The following MANBA variants were observed in gnomAD, a reference collection of about 807,000 sequenced individuals.
MANBA encodes beta-mannosidase.
In MANBA, 83 loss-of-function variants were observed where a neutral mutation model predicts 111.1. The observed-to-expected ratio is 0.75, with a 90% confidence interval of 0.63 to 0.90. MANBA has a LOEUF of 0.90. Ranked by LOEUF, MANBA falls within the 40% of genes least tolerant of loss-of-function variation. MANBA has a pLI of 0.00. For missense variants in MANBA, 1,036 were observed against 1,069.0 expected, an observed-to-expected ratio of 0.97 and a Z score of 0.43; for synonymous variants, 370 against 378.7, an observed-to-expected ratio of 0.98 and a Z score of 0.27.
intron 5 of MANBA, among the ~76,000 whole-genome samples, chr4:102,710,358 C>T (rs896869082): frequency 1.3e-5 from 2 of 152,022 alleles, no homozygotes; most frequent in Admixed American, 6.6e-5. Context: ...TGTTTCTACA[C>T]ATCAATGATG....
At chr4:102,759,580 A>C (rs1053738778) in intron 1 of MANBA, among the ~76,000 whole-genome samples, 2 of 152,086 alleles carry the variant, frequency 1.3e-5, no homozygotes, top group Non-Finnish European at 2.9e-5. Context: ...AAAAAAAAAA[A>C]AACTACTAAG....
chr4:102,646,842 C>T (rs527920343), intron 13 of MANBA, among the ~76,000 whole-genome samples: 3 of 152,074 alleles, frequency 2.0e-5, no homozygotes, highest in Admixed American at 6.6e-5. Context: ...GGCAGGAGCC[C>T]ATAGGGATAT....
intron 5 of MANBA, among the ~76,000 whole-genome samples, chr4:102,711,077 A>T (rs1202994574): frequency 9.9e-5 from 15 of 152,160 alleles, no homozygotes; most frequent in African/African-American, 2.9e-4. Flanking sequence ...TATAGCTAAG[A>T]CCTCAAAAGC....
chr4:102,740,516 T>C (rs1353969056), intron 1 of MANBA, among the ~76,000 whole-genome samples: 2 of 152,048 alleles, frequency 1.3e-5, no homozygotes, highest in Non-Finnish European at 2.9e-5. Flanking sequence ...GAACAAATCC[T>C]GAGATATCAC....
chr4:102,753,901 G>T (rs150608578), intron 1 of MANBA: 6,425 of 437,138 alleles, frequency 0.015, 62 homozygotes, highest in Non-Finnish European at 0.021. Context: ...TGAGCAACAC[G>T]GTGAGACCAT....
chr4:102,656,595 T>C (rs969733680), intron 12 of MANBA, among the ~76,000 whole-genome samples: 1 of 152,142 alleles, frequency 6.6e-6, no homozygotes, highest in Non-Finnish European at 1.5e-5. Flanking sequence ...TTCAGTAGAA[T>C]TGAAAACATG....
At chr4:102,738,864 T>C (rs2110204306) in intron 1 of MANBA, among the ~76,000 whole-genome samples, 1 of 151,932 alleles carries the variant, frequency 6.6e-6, no homozygotes, top group African/African-American at 2.4e-5. Context: ...CAATAAAGGA[T>C]ATGAATGAAA....
chr4:102,688,560 A>G (rs910525909), intron 7 of MANBA, among the ~76,000 whole-genome samples: 9 of 152,190 alleles, frequency 5.9e-5, no homozygotes, highest in Non-Finnish European at 1.2e-4. Context: ...ACACCAGCCA[A>G]CTGTAAACAC....
At chr4:102,732,129 T>G (rs1723054833) in intron 1 of MANBA, among the ~76,000 whole-genome samples, 1 of 152,182 alleles carries the variant, frequency 6.6e-6, no homozygotes, top group Non-Finnish European at 1.5e-5. Flanking sequence ...CAGGCTGGTC[T>G]CGAACTCCTG....
rs1470102112 is a variant in MANBA at position 102,650,552 on chromosome 4, G to A, written c.1854C>T (p.Thr618=). The change falls in exon 13 of 17, where the codon ACC becomes ACT. Residue 618 remains threonine, a synonymous_variant. Coordinates refer to ENST00000647097, the MANE Select transcript of MANBA (RefSeq NM_005908.4). ...STDPLRTFKD[T]IYLTQVMQAQ... ...AACAACTTACCTGAGTAAGGTAGAT[G>A]GTATCTTTAAATGTGCGTAATGGAT... 6.2e-7 allele frequency: 1 copy of A among 1,612,594 alleles called. No individual in the cohort carries two copies. The highest frequency in any genetic ancestry group is 1.3e-5 in the African/African-American group (1 of 74,982).
chr4:102,699,872 T>C (rs1489380377), intron 5 of MANBA, among the ~76,000 whole-genome samples: 1 of 150,630 alleles, frequency 6.6e-6, no homozygotes, highest in Non-Finnish European at 1.5e-5. Context: ...GCTGGCCTCA[T>C]AAAATGAGTT....
chr4:102,673,133 C>G (rs535198767), intron 8 of MANBA, among the ~76,000 whole-genome samples: 3 of 152,068 alleles, frequency 2.0e-5, no homozygotes, highest in Non-Finnish European at 2.9e-5. Context: ...CCCACAACCG[C>G]GCCTCCACTA....
At chr4:102,661,064 G>C (rs1730925187) in intron 11 of MANBA, among the ~76,000 whole-genome samples, 1 of 151,972 alleles carries the variant, frequency 6.6e-6, no homozygotes, top group Non-Finnish European at 1.5e-5. Flanking sequence ...AGTAATCCAG[G>C]AGTCCCTTGC....
rs2110184390 is a variant in MANBA, at chr4:102,631,421, G to C, written c.*636C>G. 1 of 224,574 alleles carries C rather than the reference G, an allele frequency of 4.5e-6. No individual in the cohort carries two copies. Among genetic ancestry groups the C allele is most frequent in the African/African-American group, 2.3e-5 (1 of 44,334 alleles). The allele number at this position is 224,574 out of a possible 1,614,324, so 13.9% of individuals were successfully genotyped here. On this transcript the variant is annotated 3_prime_UTR_variant, in exon 17 of 17. Coordinates refer to ENST00000647097, the MANE Select transcript of MANBA (RefSeq NM_005908.4). Reference sequence around the variant, plus strand: ...AATAACGAGAACTAAATGGAAATTAGGGTCCAGCACAGTATTGGGCAAAAT... The same window carrying C: ...AATAACGAGAACTAAATGGAAATTACGGTCCAGCACAGTATTGGGCAAAAT...
intron 1 of MANBA, chr4:102,751,806 G>T (rs879653064): frequency 1.4e-5 from 7 of 513,162 alleles, no homozygotes; most frequent in Non-Finnish European, 2.4e-5. Context: ...AATGACAATT[G>T]TTGGACATAG....
At position 102,704,324 on chromosome 4, in the gene MANBA, T is replaced by C. The variant is rs1733197820; in HGVS notation, c.673+10114A>G. Among the ~76,000 whole-genome samples the C allele has an allele frequency of 3.3e-5, 5 of 152,098 alleles. No homozygotes were observed. In the South Asian group the frequency reaches 8.3e-4, roughly 25 times the overall value. The stretch of plus-strand genomic sequence containing the variant: ...CTCCGAATACTTGGGACTACAGGCA[T>C]ATACCACCACACATGGCTAATTTTT... On this transcript the variant is annotated intron_variant, in intron 5 of 16. Transcript: ENST00000647097.
chr4:102,755,230 G>C (rs1258584810), intron 1 of MANBA, among the ~76,000 whole-genome samples: 1 of 152,096 alleles, frequency 6.6e-6, no homozygotes, highest in South Asian at 2.1e-4. Context: ...ATACTACAAG[G>C]CTACAGTAAC....
In MANBA at chr4:102,664,672, A is replaced by T. The variant is rs1441615742; in HGVS notation, c.1485+13T>A. Reference sequence around the variant, plus strand: ...CATTCTTAAATTCTACTGCATTAAAAATCATTACTTACTGCCAGTACGAGC... The same window carrying T: ...CATTCTTAAATTCTACTGCATTAAATATCATTACTTACTGCCAGTACGAGC... On this transcript the variant is annotated intron_variant, in intron 11 of 16. Coordinates refer to ENST00000647097, the MANE Select transcript of MANBA (RefSeq NM_005908.4). The T allele has an allele frequency of 6.2e-7, 1 of 1,602,506 alleles. No individual in the cohort carries two copies. The highest frequency in any genetic ancestry group is 8.6e-7 in the Non-Finnish European group (1 of 1,169,378).
chr4:102,728,700 G>T, intron 1 of MANBA: 2 of 632,774 alleles, frequency 3.2e-6, no homozygotes, highest in Non-Finnish European at 5.5e-6. Flanking sequence ...TCTGCTCTCT[G>T]GGAGAGTCGC....
Sources: allele counts gnomAD v4.1 joint callset (sites outside exome capture counted in the v4.1 genomes callset), GRCh38; gene constraint gnomAD v4.1.1; transcripts MANE v1.5; gene names NCBI Gene and HGNC (gene_info 2026-07-23, HGNC 2026-07-21).